The following GIPC2 variants were observed in gnomAD, a reference collection of about 807,000 sequenced individuals.
GIPC2 encodes GIPC PDZ domain containing family member 2.
In GIPC2, 30 loss-of-function variants were observed where a neutral mutation model predicts 30.6. That is an observed-to-expected ratio of 0.98 (90% CI 0.73 to 1.33). GIPC2 has a LOEUF of 1.33. Ranked by LOEUF, GIPC2 falls within the 40% of genes most tolerant of loss-of-function variation. The pLI is 0.00. For missense variants in GIPC2, 414 were observed against 390.3 expected, an observed-to-expected ratio of 1.06 and a Z score of -0.51; for synonymous variants, 167 against 150.0, an observed-to-expected ratio of 1.11 and a Z score of -0.83.
In GIPC2 at chr1:78,135,811, A is replaced by T; in HGVS notation, c.*68A>T. On this transcript the variant is annotated 3_prime_UTR_variant, in exon 6 of 6. Coordinates refer to ENST00000370759, the MANE Select transcript of GIPC2 (RefSeq NM_017655.6). ...TTTTCTCTTTTTTAAAAAGTCCTAT[A>T]AGATCTGTTTTTGGACACCTTTACT... is the stretch of plus-strand genomic sequence containing the variant. 1.5e-6 allele frequency: 2 copies of T among 1,349,976 alleles called. No homozygotes were observed. The highest frequency in any genetic ancestry group is 4.3e-5 in the Admixed American group (2 of 47,006). The allele number at this position is 1,349,976 out of a possible 1,614,324, so 83.6% of individuals were successfully genotyped here. A position where few individuals can be genotyped will look rare whatever the true frequency, so the allele number is the denominator to read the frequency against.
chr1:78,100,306 G>T (rs1662217259), intron 3 of GIPC2, among the ~76,000 whole-genome samples: 1 of 152,170 alleles, frequency 6.6e-6, no homozygotes, highest in African/African-American at 2.4e-5. Context: ...GCTATAATGG[G>T]ATATTTATAA....
chr1:78,054,982 G>A (rs1299739067), intron 1 of GIPC2, among the ~76,000 whole-genome samples: 2 of 152,174 alleles, frequency 1.3e-5, no homozygotes, highest in Non-Finnish European at 2.9e-5. Flanking sequence ...GGAGTGGAAG[G>A]CTCTTGCAGG....
chr1:78,058,390 A>G (rs1025023762), intron 1 of GIPC2, among the ~76,000 whole-genome samples: 1 of 152,180 alleles, frequency 6.6e-6, no homozygotes, highest in South Asian at 2.1e-4. Flanking sequence ...GAACTTGTTT[A>G]CCAAATAGAC....
chr1:78,135,171 G>A (rs934738727), intron 5 of GIPC2, among the ~76,000 whole-genome samples: 1 of 152,196 alleles, frequency 6.6e-6, no homozygotes, highest in Admixed American at 6.5e-5. Flanking sequence ...ATCTCAGTTG[G>A]CAGTGGGGGA....
intron 1 of GIPC2, among the ~76,000 whole-genome samples, chr1:78,056,433 G>T (rs1249264343): frequency 5.3e-5 from 8 of 152,108 alleles, no homozygotes; most frequent in Non-Finnish European, 1.2e-4. Context: ...AGCTGAGATT[G>T]CACCAGTGTA....
intron 1 of GIPC2, among the ~76,000 whole-genome samples, chr1:78,073,212 TC>T (rs756944264): frequency 7.2e-5 from 11 of 151,774 alleles, no homozygotes; most frequent in Admixed American, 1.3e-4. Flanking sequence ...CAAGCAGTTC[TC>T]CTGCTTCAGC....
At chr1:78,068,336 G>T (rs1661559259) in intron 1 of GIPC2, among the ~76,000 whole-genome samples, 1 of 152,204 alleles carries the variant, frequency 6.6e-6, no homozygotes, top group Non-Finnish European at 1.5e-5. Context: ...GTGGGGACTT[G>T]TATTTTCTCC....
At chr1:78,083,193 T>C (rs1325861832) in intron 2 of GIPC2, among the ~76,000 whole-genome samples, 2 of 152,224 alleles carry the variant, frequency 1.3e-5, no homozygotes, top group Non-Finnish European at 2.9e-5. Context: ...TAGTCTTCTT[T>C]ATAATCTAGA....
rs767963986 is a variant in GIPC2, at chr1:78,119,431, GAA to G, written c.651_652del (p.Lys217AsnfsTer24). ...LRSKAGKSSG[E>X]KIGCGRATLR... ...GTCAAAGGCTGGAAAGTCATCAGGA[GAA>G]AAAATTGGTTGTGGAAGGGCAACAC... On this transcript the variant is annotated frameshift_variant, in exon 4 of 6. Coordinates refer to ENST00000370759, the MANE Select transcript of GIPC2 (RefSeq NM_017655.6). LOFTEE classifies it high-confidence loss of function. 12 of 1,612,898 alleles carry G rather than the reference GAA, an allele frequency of 7.4e-6. No homozygotes were observed. The highest frequency in any genetic ancestry group is 1.0e-5 in the Non-Finnish European group (12 of 1,178,992).
chr1:78,059,046 TG>T (rs1446939952), intron 1 of GIPC2, among the ~76,000 whole-genome samples: 1 of 152,200 alleles, frequency 6.6e-6, no homozygotes, highest in Non-Finnish European at 1.5e-5. Context: ...TCCCTCTTGT[TG>T]GGGTGGGTGA....
At chr1:78,117,403 A>T (rs773904129) in intron 3 of GIPC2, among the ~76,000 whole-genome samples, 52 of 152,034 alleles carry the variant, frequency 3.4e-4, no homozygotes, top group Non-Finnish European at 6.6e-4. Flanking sequence ...ATGGAAGACA[A>T]TTTTTTTCCA....
chr1:78,073,017 G>C (rs1299304237), intron 1 of GIPC2, among the ~76,000 whole-genome samples: 1 of 150,438 alleles, frequency 6.6e-6, no homozygotes, highest in Admixed American at 6.6e-5. Context: ...CACTGTATTA[G>C]CCAGGATGGT....
chr1:78,046,785 A>G (rs76038246), intron 1 of GIPC2, among the ~76,000 whole-genome samples: 10,584 of 147,916 alleles, frequency 0.072, 459 homozygotes, highest in East Asian at 0.089. Context: ...TTAACGGGGG[A>G]AAAAAAAAAT....
chr1:78,069,240 G>A (rs1661573299), intron 1 of GIPC2: 2 of 255,010 alleles, frequency 7.8e-6, no homozygotes, highest in African/African-American at 2.3e-5. Flanking sequence ...TATCCCTGGG[G>A]CAGGAGATGG....
At chr1:78,050,219 C>T (rs112682795) in intron 1 of GIPC2, among the ~76,000 whole-genome samples, 2,548 of 152,272 alleles carry the variant, frequency 0.017, 85 homozygotes, top group African/African-American at 0.059. Context: ...TATTACATAG[C>T]AGCTGTGAGA....
intron 4 of GIPC2, among the ~76,000 whole-genome samples, chr1:78,125,644 G>A (rs190700376): frequency 7.1e-4 from 108 of 152,172 alleles, no homozygotes; most frequent in African/African-American, 2.3e-3. Flanking sequence ...GCTACTTGGG[G>A]ATTGTGTTCC....
chr1:78,070,881 A>G (rs1451218536), intron 1 of GIPC2, among the ~76,000 whole-genome samples: 1 of 152,152 alleles, frequency 6.6e-6, no homozygotes, highest in African/African-American at 2.4e-5. Flanking sequence ...GTGATGATTC[A>G]CCTTTTATTT....
intron 1 of GIPC2, among the ~76,000 whole-genome samples, chr1:78,078,948 C>G (rs1368741642): frequency 6.6e-6 from 1 of 151,928 alleles, no homozygotes; most frequent in Non-Finnish European, 1.5e-5. Flanking sequence ...TCTACACATA[C>G]TCCCTTCTCC....
At chr1:78,106,901 C>T (rs944828731) in intron 3 of GIPC2, among the ~76,000 whole-genome samples, 12 of 152,076 alleles carry the variant, frequency 7.9e-5, no homozygotes, top group Non-Finnish European at 1.2e-4. Context: ...GTCTCGAACT[C>T]GCGACCTCAG....
Sources: allele counts gnomAD v4.1 joint callset (sites outside exome capture counted in the v4.1 genomes callset), GRCh38; gene constraint gnomAD v4.1.1; transcripts MANE v1.5; gene names NCBI Gene and HGNC (gene_info 2026-07-23, HGNC 2026-07-21).